The following GABRA3 variants were observed in gnomAD, a reference collection of about 807,000 sequenced individuals.
The protein encoded by GABRA3 is gamma-aminobutyric acid type A receptor subunit alpha3.
GABRA3 carries 10 observed loss-of-function variants against 30.1 expected under a neutral mutation model. The observed-to-expected ratio is 0.33, with a 90% CI of 0.20 to 0.56. The LOEUF is 0.56. GABRA3 is among the 20% of genes least tolerant of loss of function. The probability of loss-of-function intolerance (pLI) is 0.89; values close to 1 mark genes in which losing one functional copy is unlikely to be tolerated. For synonymous variants in GABRA3, 151 were observed against 146.8 expected, an observed-to-expected ratio of 1.03 and a Z score of -0.21; for missense variants, 233 against 392.0, an observed-to-expected ratio of 0.59 and a Z score of 3.42.
chrX:152,170,319 T>C lies in GABRA3; in HGVS notation c.1144-1756A>G, dbSNP rs144456324. Among the ~76,000 whole-genome samples, 729 of 111,789 alleles carry C rather than the reference T, an allele frequency of 6.5e-3. 11 individuals are homozygous for C. Among genetic ancestry groups the C allele is most frequent in the African/African-American group, 0.022 (689 of 30,789 alleles). On this transcript the variant is annotated intron_variant, in intron 9 of 9. Transcript: ENST00000370314. ...CAGTACACAGGCCAAGGACACTTTA[T>C]TTATTTATTTTAGAGACATGGGTCT...
At chrX:152,378,470 A>T (rs747910138) in intron 1 of GABRA3, among the ~76,000 whole-genome samples, 3 of 112,023 alleles carry the variant, frequency 2.7e-5, no homozygotes, top group African/African-American at 9.7e-5. Context: ...TGTATTACTA[A>T]GACACCCACT....
At chrX:152,290,806 C>A (rs1364306179) in intron 3 of GABRA3, among the ~76,000 whole-genome samples, 3 of 111,771 alleles carry the variant, frequency 2.7e-5, no homozygotes, top group Non-Finnish European at 3.8e-5. Flanking sequence ...TCAGGTTTGT[C>A]AAAGATCAGA....
chrX:152,247,901 C>A (rs1214704380), intron 5 of GABRA3, among the ~76,000 whole-genome samples: 1 of 111,406 alleles, frequency 9.0e-6, no homozygotes, highest in Admixed American at 9.6e-5. Context: ...CTCCTCTCTC[C>A]AAAATATCTC....
chrX:152,253,823 C>G (rs1490989325), intron 5 of GABRA3, among the ~76,000 whole-genome samples: 1 of 111,329 alleles, frequency 9.0e-6, no homozygotes, highest in Non-Finnish European at 1.9e-5. Flanking sequence ...TTCCTTCTGC[C>G]TCTACCTATC....
At chrX:152,448,130 C>T (rs1034941893) in intron 1 of GABRA3, among the ~76,000 whole-genome samples, 1 of 112,007 alleles carries the variant, frequency 8.9e-6, no homozygotes, top group African/African-American at 3.2e-5. Flanking sequence ...TGACAACAAA[C>T]ATTTTCCTTC....
chrX:152,307,020 A>T (rs1433072526), intron 3 of GABRA3, among the ~76,000 whole-genome samples: 4 of 110,742 alleles, frequency 3.6e-5, no homozygotes, highest in Non-Finnish European at 7.6e-5. Flanking sequence ...GTTCACTCTT[A>T]TTCCTGCCTC....
At chrX:152,279,377 C>T (rs1259037982) in intron 4 of GABRA3, among the ~76,000 whole-genome samples, 7 of 111,589 alleles carry the variant, frequency 6.3e-5, no homozygotes, top group African/African-American at 2.0e-4. Context: ...AATCCTTTCC[C>T]CATTTCTTGT....
chrX:152,224,964 G>A, intron 5 of GABRA3, 119 bp from the exon 6 acceptor site: 1 of 469,114 alleles, frequency 2.1e-6, no homozygotes, highest in Non-Finnish European at 3.7e-6. Flanking sequence ...AGTTCACTGA[G>A]ATTCAAGTCT....
chrX:152,298,950 T>C (rs191250882), intron 3 of GABRA3, among the ~76,000 whole-genome samples: 3 of 111,849 alleles, frequency 2.7e-5, no homozygotes, highest in Non-Finnish European at 5.6e-5. Context: ...GATTTTGTTA[T>C]GACTTCAATA....
chrX:152,340,900 T>TG (rs144463001), intron 3 of GABRA3, among the ~76,000 whole-genome samples: 13,344 of 111,005 alleles, frequency 0.12, 675 homozygotes, highest in African/African-American at 0.17. Flanking sequence ...CAATACCCTT[T>TG]GGGTACAAGT....
At chrX:152,312,312 A>C (rs1216015582) in intron 3 of GABRA3, among the ~76,000 whole-genome samples, 2 of 112,406 alleles carry the variant, frequency 1.8e-5, no homozygotes, top group Non-Finnish European at 3.8e-5. Flanking sequence ...AACATGCTAC[A>C]GAACCCAGAA....
Position 152,218,793 on chromosome X carries a change from G to A in GABRA3, c.634+5970C>T, listed in dbSNP as rs1045011096. On this transcript the variant is annotated intron_variant, in intron 6 of 9. Transcript: ENST00000370314. Reference sequence around the variant, plus strand: ...GTACTGAGAACTAATCATTTTTCTTGAATAACGCTCTTCAGAGTGTTAGGA... The same window carrying A: ...GTACTGAGAACTAATCATTTTTCTTAAATAACGCTCTTCAGAGTGTTAGGA... 4.5e-5 allele frequency among the ~76,000 whole-genome samples: 5 copies of A among 111,222 alleles called. 1 individual carries two copies. Among genetic ancestry groups the A allele is most frequent in the African/African-American group, 1.6e-4 (5 of 30,750 alleles).
chrX:152,354,040 G>C (rs999801047), intron 2 of GABRA3, among the ~76,000 whole-genome samples: 3 of 112,022 alleles, frequency 2.7e-5, no homozygotes, highest in African/African-American at 9.7e-5. Flanking sequence ...GGTCTACCCA[G>C]CTATGTGGCT....
chrX:152,185,758 T>C (rs183587826), intron 9 of GABRA3, among the ~76,000 whole-genome samples: 1 of 112,141 alleles, frequency 8.9e-6, no homozygotes, highest in African/African-American at 3.2e-5. Context: ...TCACTAGTTC[T>C]AGGTGATTCT....
intron 5 of GABRA3, among the ~76,000 whole-genome samples, chrX:152,252,385 C>T (rs1316703999): frequency 9.0e-6 from 1 of 111,375 alleles, no homozygotes; most frequent in Admixed American, 9.6e-5. Context: ...CTTGCAGCTA[C>T]ACTACCATAT....
At chrX:152,342,855 G>T (rs1433019863) in intron 3 of GABRA3, among the ~76,000 whole-genome samples, 3 of 111,502 alleles carry the variant, frequency 2.7e-5, no homozygotes, top group East Asian at 5.7e-4. Context: ...CCTACCCCAT[G>T]TACCAGGTGT....
intron 1 of GABRA3, 28 bp from the exon 2 acceptor site, chrX:152,364,624 A>G (rs201884825): frequency 2.8e-6 from 3 of 1,084,538 alleles, no homozygotes; most frequent in South Asian, 2.1e-5. Context: ...TAGATAAGGG[A>G]TAAGAGGTAG....
intron 2 of GABRA3, among the ~76,000 whole-genome samples, chrX:152,359,686 A>G (rs1928425913): frequency 9.0e-6 from 1 of 111,026 alleles, no homozygotes; most frequent in Non-Finnish European, 1.9e-5. Flanking sequence ...TGACTTGGGC[A>G]TTTAGTGCTA....
At chrX:152,203,134 G>T (rs1450659408) in intron 7 of GABRA3, among the ~76,000 whole-genome samples, 1 of 111,708 alleles carries the variant, frequency 9.0e-6, no homozygotes, top group African/African-American at 3.3e-5. Context: ...AGGGACAAAG[G>T]GAGAGGGTCT....
Sources: gnomAD v4.1 joint callset for allele counts (sites outside exome capture counted in the v4.1 genomes callset) on GRCh38, gnomAD v4.1.1 for gene constraint, MANE v1.5 for transcripts, NCBI Gene and HGNC (gene_info 2026-07-23, HGNC 2026-07-21) for gene names.